Variants in ABLIM2 observed in about 807,000 individuals in gnomAD.
ABLIM2 encodes actin binding LIM protein family member 2, also known as actin-binding LIM protein 2.
Under a neutral mutation model 97.7 loss-of-function variants are expected in ABLIM2, and 53 were observed. The observed-to-expected ratio is 0.54, with a 90% CI of 0.44 to 0.68. The LOEUF (loss-of-function observed/expected upper bound fraction) is 0.68. Ranked by LOEUF, ABLIM2 falls within the 30% of genes least tolerant of loss-of-function variation. The pLI, the probability that ABLIM2 is intolerant of heterozygous loss-of-function variation, is 0.00. For missense variants in ABLIM2, 835 were observed against 867.2 expected (o/e 0.96, Z 0.47); for synonymous variants, 361 against 345.8 (o/e 1.04, Z -0.49).
chr4:8,062,024 G>A (rs1561071438), intron 6 of ABLIM2, among the ~76,000 whole-genome samples: 1 of 152,162 alleles, frequency 6.6e-6, no homozygotes, highest in South Asian at 2.1e-4. Context: ...CTCCGGGCCA[G>A]GTGATAAGGC....
At chr4:8,096,810 G>A (rs1488396949) in intron 3 of ABLIM2, among the ~76,000 whole-genome samples, 2 of 152,178 alleles carry the variant, frequency 1.3e-5, no homozygotes, top group African/African-American at 4.8e-5. Context: ...TCCTGTTGCC[G>A]GGATGAGGAC....
chr4:8,133,731 G>A (rs991673289), intron 1 of ABLIM2, among the ~76,000 whole-genome samples: 4 of 152,210 alleles, frequency 2.6e-5, no homozygotes, highest in African/African-American at 9.6e-5. Context: ...CATCTCTGCA[G>A]GACAATGAGC....
At position 8,150,221 on chromosome 4, in the gene ABLIM2, C is replaced by T. The variant is rs1392361294; in HGVS notation, c.10+8459G>A. 3.9e-5 allele frequency among the ~76,000 whole-genome samples: 6 copies of T among 152,174 alleles called. No individual in the cohort carries two copies. The South Asian group carries it at 8.3e-4, about 21-fold the overall frequency. On this transcript the variant is annotated intron_variant, in intron 1 of 20. Coordinates refer to ENST00000447017, the MANE Select transcript of ABLIM2 (RefSeq NM_001130083.2). This position sits in a 1 kb window ranked among gnomAD's most constrained non-coding sequence, Gnocchi z 6.3. ...ATCAACTGATGTCATTTTCCATGTG[C>T]GATCCCGGGGACACTGAGGTCTGCA...
intron 1 of ABLIM2, among the ~76,000 whole-genome samples, chr4:8,135,693 T>G (rs1242077630): frequency 6.6e-6 from 1 of 152,122 alleles, no homozygotes; most frequent in Non-Finnish European, 1.5e-5. Context: ...CCTGTGAGAG[T>G]GGCCCCAGTG....
At chr4:7,975,948 C>A (rs568413453) in intron 20 of ABLIM2, among the ~76,000 whole-genome samples, 2 of 152,168 alleles carry the variant, frequency 1.3e-5, no homozygotes, top group Non-Finnish European at 2.9e-5. Context: ...ATATGTCCCA[C>A]GAAGAACCAT....
rs368481452 is a variant in ABLIM2 at position 8,152,933 on chromosome 4, C to T, written c.10+5747G>A. ...GCAGGGCTGGGTGTGAGCCTGAGAC[C>T]CCACTTCAAGGTAGGTTTTACGGAG... On this transcript the variant is annotated intron_variant, in intron 1 of 20. Coordinates refer to ENST00000447017, the MANE Select transcript of ABLIM2 (RefSeq NM_001130083.2). Among the ~76,000 whole-genome samples, 4 of 152,168 alleles carry T rather than the reference C, an allele frequency of 2.6e-5. No homozygotes were observed. In the South Asian group the frequency reaches 8.3e-4, roughly 32 times the overall value.
chr4:8,066,662 T>C (rs1210892232), intron 6 of ABLIM2: 3 of 151,778 alleles, frequency 2.0e-5, no homozygotes, highest in Non-Finnish European at 2.9e-5. Context: ...AGCCACGGGG[T>C]AGAGGATTCC....
intron 9 of ABLIM2, among the ~76,000 whole-genome samples, chr4:8,039,894 T>TTTTTTTTTTTTTTTTTTTTTTTTTTTC (rs1553989809): frequency 6.9e-6 from 1 of 145,548 alleles, no homozygotes; most frequent in Admixed American, 7.0e-5. Context: ...TTTTTTTTTT[T>TTTTTTTTTTTTTTTTTTTTTTTTTTTC]TTAATAAATG....
intron 14 of ABLIM2, among the ~76,000 whole-genome samples, chr4:8,012,590 C>G (rs1455360717): frequency 6.7e-6 from 1 of 149,346 alleles, no homozygotes; most frequent in Non-Finnish European, 1.5e-5. Context: ...TCCACCCATT[C>G]TTCACCCATC....
chr4:8,008,996 G>A, intron 15 of ABLIM2, 54 bp downstream of exon 15: 1 of 1,602,448 alleles, frequency 6.2e-7, no homozygotes, highest in Non-Finnish European at 8.6e-7. Context: ...CCTCACAAAA[G>A]CAATTTCTTT....
rs1824422724 is a variant in ABLIM2, at chr4:8,087,452, A to G, written c.454+717T>C. ...CATCTTGAGCCCCCACTGCATACAC[A>G]CCTGGCCTAACTCCTGGGAGGTGGA... On this transcript the variant is annotated intron_variant, in intron 4 of 20. Coordinates refer to ENST00000447017, the MANE Select transcript of ABLIM2 (RefSeq NM_001130083.2). This position sits in a 1 kb window ranked among gnomAD's most constrained non-coding sequence, Gnocchi z 4.6. Among the ~76,000 whole-genome samples the G allele has an allele frequency of 6.6e-6, 1 of 151,810 alleles. No homozygotes were observed. The highest frequency in any genetic ancestry group is 6.6e-5 in the Admixed American group (1 of 15,256).
At chr4:8,141,592 G>A (rs1237045510) in intron 1 of ABLIM2, among the ~76,000 whole-genome samples, 1 of 152,160 alleles carries the variant, frequency 6.6e-6, no homozygotes, top group Non-Finnish European at 1.5e-5. Flanking sequence ...ATGTTGCCTA[G>A]GCTAGTCTCA....
chr4:8,119,716 A>C (rs1844409228), intron 1 of ABLIM2, among the ~76,000 whole-genome samples: 1 of 152,190 alleles, frequency 6.6e-6, no homozygotes, highest in Non-Finnish European at 1.5e-5. Context: ...AATAACAGTG[A>C]CACTGTCTTT....
intron 14 of ABLIM2, among the ~76,000 whole-genome samples, chr4:8,009,511 C>T (rs919611385): frequency 2.2e-4 from 33 of 152,176 alleles, no homozygotes; most frequent in Admixed American, 6.5e-5. Flanking sequence ...ATTCTCCTGC[C>T]TCAGCCACCC....
intron 8 of ABLIM2, among the ~76,000 whole-genome samples, chr4:8,049,466 G>A (rs912206674): frequency 5.3e-5 from 8 of 152,178 alleles, no homozygotes; most frequent in Admixed American, 4.6e-4. Context: ...GCATGCCAAA[G>A]TTAACCTGAA....
Position 8,069,945 on chromosome 4 carries a change from T to A in ABLIM2, c.675+7683A>T, listed in dbSNP as rs1214502324. On this transcript the variant is annotated intron_variant, in intron 6 of 20. Coordinates refer to ENST00000447017, the MANE Select transcript of ABLIM2 (RefSeq NM_001130083.2). This position sits in a 1 kb window ranked among gnomAD's most constrained non-coding sequence, Gnocchi z 4.2. ...CTTTCTGTGTGTTTATTTCCATGTG[T>A]GTTGTTTGTGTGCCTAAGCGTGCTG... Among the ~76,000 whole-genome samples the A allele has an allele frequency of 1.3e-5, 2 of 152,136 alleles. No individual in the cohort carries two copies. Among genetic ancestry groups the A allele is most frequent in the African/African-American group, 4.8e-5 (2 of 41,424 alleles).
At chr4:8,018,770 T>C (rs190723201) in intron 14 of ABLIM2, among the ~76,000 whole-genome samples, 3 of 152,346 alleles carry the variant, frequency 2.0e-5, no homozygotes, top group Admixed American at 6.5e-5. Flanking sequence ...ACGTTTAATA[T>C]GGAAATGCCT....
intron 9 of ABLIM2, among the ~76,000 whole-genome samples, chr4:8,042,301 G>A (rs1363830121): frequency 6.6e-6 from 1 of 152,160 alleles, no homozygotes; most frequent in African/African-American, 2.4e-5. Context: ...CTAGAAACAT[G>A]AGTCTAACCT....
At chr4:8,090,709 T>C (rs1007157258) in intron 3 of ABLIM2, among the ~76,000 whole-genome samples, 1 of 152,064 alleles carries the variant, frequency 6.6e-6, no homozygotes, top group African/African-American at 2.4e-5. Flanking sequence ...ATTTGTCTTT[T>C]TTTTTATTTT....
Sources: gnomAD v4.1 joint callset for allele counts (sites outside exome capture counted in the v4.1 genomes callset) on GRCh38, gnomAD v4.1.1 for gene constraint, Gnocchi (gnomAD v3.1) non-coding constraint, MANE v1.5 for transcripts, NCBI Gene and HGNC (gene_info 2026-07-23, HGNC 2026-07-21) for gene names.